The following SS18 variants were observed in gnomAD, a reference collection of about 807,000 sequenced individuals.
SS18 encodes the protein protein SSXT.
A neutral mutation model predicts 72.5 loss-of-function variants in SS18; 28 were observed. The observed-to-expected ratio is 0.39, with a 90% CI of 0.29 to 0.53. The LOEUF (loss-of-function observed/expected upper bound fraction) is 0.53. Ranked by LOEUF, SS18 falls within the 20% of genes least tolerant of loss-of-function variation. SS18 has a pLI of 0.76. For missense variants in SS18, 518 were observed against 535.3 expected (o/e 0.97, Z 0.32); for synonymous variants, 172 against 164.2 (o/e 1.05, Z -0.37).
intron 9 of SS18, among the ~76,000 whole-genome samples, chr18:26,034,122 G>A (rs997555954): frequency 3.9e-5 from 6 of 152,126 alleles, no homozygotes; most frequent in South Asian, 2.1e-4. Context: ...GTTTCAACAC[G>A]TATGCTGAGG....
At chr18:26,018,506 A>T (rs895892809) in intron 10 of SS18, 126 bp from the exon 11 acceptor site, 2 of 616,888 alleles carry the variant, frequency 3.2e-6, no homozygotes, top group Non-Finnish European at 5.4e-6. Context: ...AATAAACAAA[A>T]TTTTTTTATA....
At chr18:26,058,924 G>A (rs9945625) in intron 3 of SS18, among the ~76,000 whole-genome samples, 8,875 of 152,162 alleles carry the variant, frequency 0.058, 757 homozygotes, top group African/African-American at 0.19. Flanking sequence ...ACTAATTTGA[G>A]TCATATTATC....
At chr18:26,055,766 G>GTT (rs71751424) in intron 4 of SS18, among the ~76,000 whole-genome samples, 3 of 117,276 alleles carry the variant, frequency 2.6e-5, no homozygotes, top group Non-Finnish European at 5.7e-5. Context: ...TTTTTTTTTT[G>GTT]TTTTTTTTTT....
At position 26,046,914 on chromosome 18, in the gene SS18, T is replaced by A. The variant is rs184594629; in HGVS notation, c.607+5710A>T. Among the ~76,000 whole-genome samples the A allele has an allele frequency of 1.2e-3, 179 of 152,314 alleles. 1 individual carries two copies. Among genetic ancestry groups the A allele is most frequent in the African/African-American group, 4.2e-3 (176 of 41,572 alleles). ...GTTATTTATGTAGTGATTTGTAGAC[T>A]GAAGAAAGAGCAGCTAAGAGTTCAT... is the stretch of plus-strand genomic sequence containing the variant. On this transcript the variant is annotated intron_variant, in intron 5 of 10. Coordinates refer to ENST00000415083, the MANE Select transcript of SS18 (RefSeq NM_001007559.3).
chr18:26,089,789 A>G (rs1180384093), intron 1 of SS18: 3 of 152,248 alleles, frequency 2.0e-5, no homozygotes, highest in African/African-American at 7.2e-5. Flanking sequence ...CCACCATTAG[A>G]CTGTAAGCTC....
At chr18:26,059,493 A>G (rs910295297) in intron 3 of SS18, among the ~76,000 whole-genome samples, 5 of 152,370 alleles carry the variant, frequency 3.3e-5, no homozygotes, top group Middle Eastern at 3.4e-3. Context: ...GTAGGAGGCT[A>G]AAGAGCTCAG....
intron 5 of SS18, among the ~76,000 whole-genome samples, chr18:26,047,256 T>C (rs766601382): frequency 2.5e-3 from 198 of 79,724 alleles, no homozygotes; most frequent in Middle Eastern, 0.022. Context: ...GAAAGTAATA[T>C]GCCAAAAAAA....
At chr18:26,024,673 G>T (rs761816276) in intron 10 of SS18, among the ~76,000 whole-genome samples, 30 of 152,134 alleles carry the variant, frequency 2.0e-4, no homozygotes, top group Non-Finnish European at 3.5e-4. Flanking sequence ...ATGGTGACTT[G>T]TATGATATGT....
chr18:26,081,105 A>G (rs1438270159), intron 2 of SS18: 2 of 151,968 alleles, frequency 1.3e-5, no homozygotes, highest in African/African-American at 2.4e-5. Flanking sequence ...AAAAAAAAAA[A>G]AAAAAAAAAT....
chr18:26,072,904 G>T (rs2054341552), intron 3 of SS18, among the ~76,000 whole-genome samples: 1 of 147,356 alleles, frequency 6.8e-6, no homozygotes, highest in East Asian at 2.0e-4. Flanking sequence ...GTAATCGATA[G>T]AACAAACAAA....
rs570942971 is a variant in SS18 at position 26,016,552 on chromosome 18, G to A, written c.*1802C>T. 37 of 181,320 alleles carry A rather than the reference G, an allele frequency of 2.0e-4. No individual in the cohort carries two copies. The South Asian group carries it at 5.5e-3, about 27-fold the overall frequency. 11.2% of individuals were successfully genotyped at this position (181,320 alleles called of 1,614,324 possible). On this transcript the variant is annotated 3_prime_UTR_variant, in exon 11 of 11. Transcript: ENST00000415083. The stretch of plus-strand genomic sequence containing the variant: ...AGCCTGGCCAACATGGCGAAACCTC[G>A]TCTCTACTAAAAGTACAAAAATTAG...
At chr18:26,083,527 C>T (rs2054566234) in intron 2 of SS18, among the ~76,000 whole-genome samples, 3 of 152,156 alleles carry the variant, frequency 2.0e-5, no homozygotes, top group Admixed American at 1.3e-4. Context: ...CTAGGCTATA[C>T]AGTATAGCTT....
At chr18:26,069,375 T>A (rs1443164716) in intron 3 of SS18, among the ~76,000 whole-genome samples, 2 of 151,950 alleles carry the variant, frequency 1.3e-5, no homozygotes, top group Admixed American at 6.6e-5. Context: ...TTTCTGAAAT[T>A]CTCAAAATGT....
chr18:26,083,798 A>G (rs2054570965), intron 2 of SS18, among the ~76,000 whole-genome samples: 1 of 152,198 alleles, frequency 6.6e-6, no homozygotes, highest in South Asian at 2.1e-4. Flanking sequence ...TCCATGGCTG[A>G]CTTGAGGAAT....
intron 1 of SS18, chr18:26,089,731 G>T (rs2054681569): frequency 6.6e-6 from 1 of 152,230 alleles, no homozygotes; most frequent in African/African-American, 2.4e-5. Context: ...AAAGGAGGCA[G>T]CTCCCTGTGT....
intron 10 of SS18, among the ~76,000 whole-genome samples, chr18:26,023,794 A>G (rs2143785675): frequency 6.6e-6 from 1 of 152,358 alleles, no homozygotes; most frequent in East Asian, 1.9e-4. Context: ...CCATACATAA[A>G]TAATGAAGAG....
At chr18:26,043,515 A>C (rs998967466) in intron 5 of SS18, among the ~76,000 whole-genome samples, 7 of 152,114 alleles carry the variant, frequency 4.6e-5, no homozygotes, top group Middle Eastern at 3.2e-3. Context: ...TCTTATTTGG[A>C]GTTATTTCTA....
chr18:26,022,140 T>G (rs1037933772), intron 10 of SS18, among the ~76,000 whole-genome samples: 1 of 152,190 alleles, frequency 6.6e-6, no homozygotes, highest in Non-Finnish European at 1.5e-5. Context: ...GGGTTTCCTC[T>G]TAACTCTGGT....
intron 3 of SS18, among the ~76,000 whole-genome samples, chr18:26,074,961 T>C (rs1451525704): frequency 6.6e-6 from 1 of 151,894 alleles, no homozygotes; most frequent in Non-Finnish European, 1.5e-5. Context: ...TTCAAGAGCT[T>C]TTACTTTATT....
Sources: allele counts gnomAD v4.1 joint callset (sites outside exome capture counted in the v4.1 genomes callset), GRCh38; gene constraint gnomAD v4.1.1; transcripts MANE v1.5; gene names NCBI Gene and HGNC (gene_info 2026-07-23, HGNC 2026-07-21).